Variants in MYOF observed in about 807,000 individuals in gnomAD.
MYOF encodes fer-1-like 3, myoferlin.
MYOF carries 244 observed loss-of-function variants against 284.2 expected under a neutral mutation model. That is an observed-to-expected ratio of 0.86 (90% CI 0.77 to 0.95). The LOEUF is 0.95. Among genes scored for constraint, MYOF ranks in the 40% least tolerant of loss-of-function variants. MYOF has a pLI of 0.00. For missense variants in MYOF, 2,496 were observed against 2,560.6 expected, an observed-to-expected ratio of 0.97 and a Z score of 0.54; for synonymous variants, 904 against 919.7, an observed-to-expected ratio of 0.98 and a Z score of 0.31.
Position 93,399,574 on chromosome 10 carries a change from A to G in MYOF, c.1118-79T>C, listed in dbSNP as rs1847179381. The G allele has an allele frequency of 5.0e-6, 5 of 993,168 alleles. 1 individual carries two copies. Among genetic ancestry groups the G allele is most frequent in the Admixed American group, 4.4e-5 (2 of 45,246 alleles). 61.5% of individuals were successfully genotyped at this position (993,168 alleles called of 1,614,324 possible). A position where few individuals can be genotyped will look rare whatever the true frequency, so the allele number is the denominator to read the frequency against. On this transcript the variant is annotated intron_variant, in intron 12 of 53. Coordinates refer to ENST00000359263, the MANE Select transcript of MYOF (RefSeq NM_013451.4). The stretch of plus-strand genomic sequence containing the variant: ...CAAAATTTTAAAAGTTCTCTTATAC[A>G]TCAAAATAGTTGCAACAGGCTAGGC...
chr10:93,414,812 CA>C (rs1848049415), intron 5 of MYOF, among the ~76,000 whole-genome samples: 2 of 152,070 alleles, frequency 1.3e-5, no homozygotes, highest in South Asian at 4.2e-4. Context: ...GGTACAATTT[CA>C]GCTCACTGCA....
In MYOF at chr10:93,326,924, C is replaced by A. The variant is rs146526049; in HGVS notation, c.5132-959G>T. 2.4e-4 allele frequency among the ~76,000 whole-genome samples: 37 copies of A among 152,198 alleles called. 1 individual carries two copies. Among genetic ancestry groups the A allele is most frequent in the African/African-American group, 8.9e-4 (37 of 41,466 alleles). ...ACAGGTGTGAGCCACTGTATCTGGC[C>A]ACCACTGTGATATTCTAAAAACATA... is the stretch of plus-strand genomic sequence containing the variant. On this transcript the variant is annotated intron_variant, in intron 45 of 53. Transcript: ENST00000359263.
chr10:93,320,203 G>A (rs544514895), intron 48 of MYOF, among the ~76,000 whole-genome samples, 190 bp from the exon 49 acceptor site: 1 of 152,198 alleles, frequency 6.6e-6, no homozygotes, highest in East Asian at 1.9e-4. Context: ...CACAGGTTGT[G>A]GCCAAATAAA....
At chr10:93,382,624 T>G (rs1012322816) in intron 19 of MYOF, among the ~76,000 whole-genome samples, 1 of 152,188 alleles carries the variant, frequency 6.6e-6, no homozygotes, top group South Asian at 2.1e-4. Context: ...CAAGCCTTCC[T>G]TCATGGGCAC....
intron 27 of MYOF, among the ~76,000 whole-genome samples, chr10:93,363,251 G>C (rs531260161): frequency 1.3e-3 from 195 of 152,352 alleles, no homozygotes; most frequent in African/African-American, 4.5e-3. Context: ...TTTATGAACA[G>C]AAAACAGACA....
chr10:93,363,895 T>A, intron 27 of MYOF, 66 bp downstream of exon 27: 2 of 1,452,344 alleles, frequency 1.4e-6, no homozygotes, highest in Non-Finnish European at 1.9e-6. Context: ...AGGTGGCTGC[T>A]GGGTTCCCCG....
At chr10:93,436,446 A>AG (rs1849122590) in intron 3 of MYOF, among the ~76,000 whole-genome samples, 1 of 151,744 alleles carries the variant, frequency 6.6e-6, no homozygotes, top group Admixed American at 6.6e-5. Context: ...ATGCTTTTGT[A>AG]GGGGGGACAC....
intron 2 of MYOF, among the ~76,000 whole-genome samples, chr10:93,453,471 GTA>G (rs754056941): frequency 1.3e-5 from 2 of 152,066 alleles, no homozygotes; most frequent in Non-Finnish European, 2.9e-5. Flanking sequence ...GACAATTTTT[GTA>G]GTTTTAATAG....
intron 4 of MYOF, among the ~76,000 whole-genome samples, chr10:93,426,534 G>C (rs943990926): frequency 1.3e-5 from 2 of 152,136 alleles, no homozygotes; most frequent in African/African-American, 4.8e-5. Context: ...TAATTTATTT[G>C]TTTGCTCATT....
At chr10:93,383,592 A>T (rs1283556577) in intron 19 of MYOF, among the ~76,000 whole-genome samples, 1 of 152,208 alleles carries the variant, frequency 6.6e-6, no homozygotes, top group Non-Finnish European at 1.5e-5. Flanking sequence ...GTCCAGAATG[A>T]TGTGGAAATT....
At chr10:93,437,503 C>A (rs1849182682) in intron 3 of MYOF, among the ~76,000 whole-genome samples, 1 of 152,046 alleles carries the variant, frequency 6.6e-6, no homozygotes, top group Non-Finnish European at 1.5e-5. Context: ...TTGGAAATTC[C>A]TTCATGAAGG....
intron 31 of MYOF, 133 bp from the exon 32 acceptor site, chr10:93,354,021 G>A: frequency 7.8e-6 from 5 of 637,840 alleles, no homozygotes; most frequent in Non-Finnish European, 1.1e-5. Context: ...CCACAGTAAA[G>A]AGCACATAGA....
chr10:93,423,525 GAAAAAAAA>G (rs59012520), intron 5 of MYOF, among the ~76,000 whole-genome samples: 5 of 14,892 alleles, frequency 3.4e-4, no homozygotes, highest in African/African-American at 1.3e-3. Flanking sequence ...GACTCCATCT[GAAAAAAAA>G]AAAAAAAAAA....
intron 31 of MYOF, among the ~76,000 whole-genome samples, chr10:93,354,697 C>CTG (rs1844712049): frequency 6.6e-6 from 1 of 151,656 alleles, no homozygotes; most frequent in Admixed American, 6.6e-5. Context: ...CTCTCTCTCT[C>CTG]TCTCTTTGTG....
At chr10:93,411,286 G>T (rs573855706) in intron 5 of MYOF, among the ~76,000 whole-genome samples, 1 of 152,160 alleles carries the variant, frequency 6.6e-6, no homozygotes, top group Non-Finnish European at 1.5e-5. Context: ...GGCACCGGCG[G>T]ATTCAGTGTC....
At position 93,404,166 on chromosome 10, in the gene MYOF, G is replaced by A. The variant is rs778418465; in HGVS notation, c.783C>T (p.Ile261=). 1.2e-6 allele frequency: 2 copies of A among 1,614,058 alleles called. No individual in the cohort carries two copies. The highest frequency in any genetic ancestry group is 1.7e-6 in the Non-Finnish European group (2 of 1,180,036). The change falls in exon 8 of 54, where the codon ATC becomes ATT. Residue 261 remains isoleucine, a synonymous_variant. Coordinates refer to ENST00000359263, the MANE Select transcript of MYOF (RefSeq NM_013451.4). ...MTPSELMDEI[I]SIRVYNSHSL... is the part of the protein sequence containing the mutation. ...ACTTGCTGACCCTTACCCGGATGCT[G>A]ATGATCTCATCCATCAATTCAGAAG...
In MYOF at chr10:93,414,946, G is replaced by A. The variant is rs189632201; in HGVS notation, c.434-5207C>T. ...TTTAGTAGAGACGGGGTTTCGCCAT[G>A]TTGGCCAGGCTGGCCTCGAACTCCT... On this transcript the variant is annotated intron_variant, in intron 5 of 53. Transcript: ENST00000359263. Among the ~76,000 whole-genome samples the A allele has an allele frequency of 1.6e-4, 24 of 152,174 alleles. No homozygotes were observed. In the East Asian group the frequency reaches 4.1e-3, roughly 26 times the overall value.
At position 93,361,542 on chromosome 10, in the gene MYOF, C is replaced by T. The variant is rs778192419; in HGVS notation, c.2884G>A (p.Ala962Thr). ...GGACAAGTCAACTCGCTGGGTGATG[C>T]TGCTTTATCGCCGTTCTTACAAAAC... ...TYTDANGDKA[A>T]SPSELTCPPG... The change falls in exon 28 of 54, where the codon GCA becomes ACA. Residue 962 changes from alanine to threonine, a missense_variant. Around this residue, in one of 3 missense-constraint regions of MYOF, gnomAD observed 2,436 missense variants for 2,480.7 expected, o/e 0.98. Transcript: ENST00000359263. 21 of 1,614,082 alleles carry T rather than the reference C, an allele frequency of 1.3e-5. No individual in the cohort carries two copies. Among genetic ancestry groups the T allele is most frequent in the Non-Finnish European group, 1.7e-6 (2 of 1,180,044 alleles).
intron 49 of MYOF, 78 bp downstream of exon 49, chr10:93,319,794 A>G (rs766354661): frequency 1.2e-4 from 189 of 1,583,112 alleles, no homozygotes; most frequent in Non-Finnish European, 1.5e-4. Flanking sequence ...GATCCTGAGC[A>G]GCTCCAGCAT....
Sources: allele counts gnomAD v4.1 joint callset (sites outside exome capture counted in the v4.1 genomes callset), GRCh38; gene constraint gnomAD v4.1.1; regional missense constraint gnomAD v4.1.1; transcripts MANE v1.5; gene names NCBI Gene and HGNC (gene_info 2026-07-23, HGNC 2026-07-21).